The following DMRT1 variants were observed in gnomAD, a reference collection of about 807,000 sequenced individuals.
DMRT1 encodes doublesex- and mab-3-related transcription factor 1.
Under a neutral mutation model 32.3 loss-of-function variants are expected in DMRT1, and 7 were observed. The observed-to-expected ratio is 0.22, with a 90% CI of 0.12 to 0.41. The LOEUF (loss-of-function observed/expected upper bound fraction) is 0.41, where lower values mean the gene tolerates loss of function less well. Among genes scored for constraint, DMRT1 ranks in the 10% least tolerant of loss-of-function variants. The pLI, the probability that DMRT1 is intolerant of heterozygous loss-of-function variation, is 1.00. For missense variants in DMRT1, 625 were observed against 500.5 expected, an observed-to-expected ratio of 1.25 and a Z score of -2.37; for synonymous variants, 278 against 206.1, an observed-to-expected ratio of 1.35 and a Z score of -2.99.
chr9:906,276 G>A (rs1274381146), intron 3 of DMRT1, among the ~76,000 whole-genome samples: 4 of 152,182 alleles, frequency 2.6e-5, no homozygotes, highest in African/African-American at 7.2e-5. Flanking sequence ...GTGTGCGTGT[G>A]CTTAGTTAGA....
At chr9:946,238 TA>T (rs1426782470) in intron 4 of DMRT1, among the ~76,000 whole-genome samples, 1 of 152,142 alleles carries the variant, frequency 6.6e-6, no homozygotes, top group Non-Finnish European at 1.5e-5. Context: ...TTGTATTGAA[TA>T]CTGCCAAATT....
At chr9:880,832 T>C (rs1005126654) in intron 2 of DMRT1, among the ~76,000 whole-genome samples, 1 of 151,896 alleles carries the variant, frequency 6.6e-6, no homozygotes, top group African/African-American at 2.4e-5. Context: ...GCATCATCAG[T>C]GCCCGTCACC....
intron 3 of DMRT1, among the ~76,000 whole-genome samples, chr9:902,725 G>A (rs988223076): frequency 6.6e-5 from 10 of 151,992 alleles, no homozygotes; most frequent in Admixed American, 2.0e-4. Context: ...CTCACCTCGA[G>A]TGATCCGCCC....
chr9:942,057 C>T (rs528527116), intron 4 of DMRT1, among the ~76,000 whole-genome samples: 3 of 152,206 alleles, frequency 2.0e-5, no homozygotes, highest in Non-Finnish European at 4.4e-5. Context: ...AAGCCATCAT[C>T]TTCCTTTATT....
intron 2 of DMRT1, among the ~76,000 whole-genome samples, chr9:882,306 C>G (rs746818421): frequency 6.6e-6 from 1 of 152,164 alleles, no homozygotes; most frequent in African/African-American, 2.4e-5. Flanking sequence ...CCCCATTCTC[C>G]TCCTGCAGTG....
intron 2 of DMRT1, among the ~76,000 whole-genome samples, chr9:858,864 A>AT (rs1554743982): frequency 3.4e-5 from 1 of 29,052 alleles, no homozygotes; most frequent in African/African-American, 7.9e-5. Context: ...AAAAAAAAAA[A>AT]AAAAAAATAT....
chr9:852,412 T>TC (rs199648322), intron 2 of DMRT1, among the ~76,000 whole-genome samples: 4 of 151,622 alleles, frequency 2.6e-5, no homozygotes, highest in Admixed American at 1.3e-4. Context: ...TTTTTTTTTT[T>TC]CGAAAGTTAT....
chr9:940,404 A>AAAAATC (rs1259694587), intron 4 of DMRT1, among the ~76,000 whole-genome samples: 1 of 152,150 alleles, frequency 6.6e-6, no homozygotes, highest in East Asian at 1.9e-4. Flanking sequence ...AATAACTCCC[A>AAAAATC]CATGTATGGT....
chr9:864,201 TTC>T lies in DMRT1; in HGVS notation c.538+17060_538+17061del, dbSNP rs199779602. ...TTTGTATTCTTTTAACTTCTTCTTC[TTC>T]TTTTTTTTCTTTTTTTTTTTTTGAG... On this transcript the variant is annotated intron_variant, in intron 2 of 4. Coordinates refer to ENST00000382276, the MANE Select transcript of DMRT1 (RefSeq NM_021951.3). Among the ~76,000 whole-genome samples the T allele has an allele frequency of 1.9e-3, 101 of 52,506 alleles. 1 individual carries two copies. In the East Asian group the frequency reaches 0.064, roughly 33 times the overall value. 34.4% of individuals were successfully genotyped at this position (52,506 alleles called of 152,430 possible).
chr9:967,128 A>C (rs1819954447), intron 4 of DMRT1, among the ~76,000 whole-genome samples: 1 of 152,230 alleles, frequency 6.6e-6, no homozygotes, highest in South Asian at 2.1e-4. Context: ...TTACCACTGC[A>C]GCTTCCCCTT....
At chr9:932,009 A>G (rs1398136214) in intron 4 of DMRT1, among the ~76,000 whole-genome samples, 1 of 152,076 alleles carries the variant, frequency 6.6e-6, no homozygotes, top group Non-Finnish European at 1.5e-5. Context: ...ACTCTCCAAC[A>G]CAGAGACCCC....
At chr9:874,286 C>G (rs1037497383) in intron 2 of DMRT1, among the ~76,000 whole-genome samples, 2 of 152,102 alleles carry the variant, frequency 1.3e-5, no homozygotes, top group African/African-American at 2.4e-5. Flanking sequence ...ATCAGAATAT[C>G]AGGATCATTT....
chr9:910,739 T>G (rs561107198), intron 3 of DMRT1, among the ~76,000 whole-genome samples: 134 of 152,268 alleles, frequency 8.8e-4, no homozygotes, highest in Non-Finnish European at 1.6e-3. Context: ...ACCAGCCAGC[T>G]CTTATCCATG....
intron 2 of DMRT1, among the ~76,000 whole-genome samples, chr9:868,230 C>T (rs1470871642): frequency 1.3e-5 from 2 of 152,194 alleles, no homozygotes; most frequent in East Asian, 3.9e-4. Flanking sequence ...CTGCCTGTTT[C>T]TGCCTCCCAG....
chr9:841,830 A>C lies in DMRT1; in HGVS notation c.-9A>C, dbSNP rs1203937457. ...GGGCCAGAGTGCTCGCACTTCTCCT[A>C]GGGGCACCATGCCCAACGACGAGGC... On this transcript the variant is annotated 5_prime_UTR_variant, in exon 1 of 5. Transcript: ENST00000382276. 6.2e-7 allele frequency: 1 copy of C among 1,607,476 alleles called. No individual in the cohort carries two copies. The highest frequency in any genetic ancestry group is 1.3e-5 in the African/African-American group (1 of 74,796).
chr9:918,552 C>G (rs887358262), intron 4 of DMRT1, among the ~76,000 whole-genome samples: 1 of 152,196 alleles, frequency 6.6e-6, no homozygotes, highest in Non-Finnish European at 1.5e-5. Flanking sequence ...TGTACTAGCG[C>G]TCACAGGGAA....
At chr9:843,000 C>T (rs1015874213) in intron 1 of DMRT1, 2 of 152,208 alleles carry the variant, frequency 1.3e-5, no homozygotes, top group African/African-American at 4.8e-5. Context: ...TCCCAGGGAT[C>T]TCTAGCCCCG....
rs531048861 is a variant in DMRT1, at chr9:947,059, C to T, written c.968-20926C>T. On this transcript the variant is annotated intron_variant, in intron 4 of 4. Transcript: ENST00000382276. ...TGAGGCAGAGGCTGTCATTACGTCACTTGAAGCAACTCGTCTACAGCAGCT... is the reference window on the plus strand; with the variant it reads ...TGAGGCAGAGGCTGTCATTACGTCATTTGAAGCAACTCGTCTACAGCAGCT... Among the ~76,000 whole-genome samples the T allele has an allele frequency of 1.9e-3, 283 of 152,306 alleles. 2 individuals are homozygous for T. The highest frequency in any genetic ancestry group is 6.7e-3 in the African/African-American group (278 of 41,562).
chr9:846,983 C>G lies in DMRT1; in HGVS notation c.378C>G (p.Ala126=). The change falls in exon 2 of 5, where the codon GCC becomes GCG. Residue 126 remains alanine (A), a synonymous_variant. Transcript: ENST00000382276. ...AAQVALRRQQ[A]QEEELGISHP... is the part of the protein sequence containing the mutation. ...AGGTGGCCCTGAGAAGGCAGCAGGCCCAGGAGGAGGAATTGGGTATCAGCC... is the reference window on the plus strand; with the variant it reads ...AGGTGGCCCTGAGAAGGCAGCAGGCGCAGGAGGAGGAATTGGGTATCAGCC... The G allele has an allele frequency of 6.2e-7, 1 of 1,614,104 alleles. No individual in the cohort carries two copies. The highest frequency in any genetic ancestry group is 1.1e-5 in the South Asian group (1 of 91,078).
Sources: allele counts gnomAD v4.1 joint callset (sites outside exome capture counted in the v4.1 genomes callset), GRCh38; gene constraint gnomAD v4.1.1; transcripts MANE v1.5; gene names NCBI Gene and HGNC (gene_info 2026-07-23, HGNC 2026-07-21).